The following ADGRL3 variants were observed in gnomAD, a reference collection of about 807,000 sequenced individuals.
ADGRL3 encodes the protein calcium-independent alpha-latrotoxin receptor 3.
Under a neutral mutation model 153.5 loss-of-function variants are expected in ADGRL3, and 62 were observed. The observed-to-expected ratio is 0.40, with a 90% CI of 0.33 to 0.50. ADGRL3 has a LOEUF of 0.50. ADGRL3 is among the 20% of genes least tolerant of loss of function. The pLI, the probability that ADGRL3 is intolerant of heterozygous loss-of-function variation, is 0.47. For synonymous variants in ADGRL3, 710 were observed against 672.5 expected (o/e 1.06, Z -0.86); for missense variants, 1,641 against 1,859.4 (o/e 0.88, Z 2.16).
At chr4:62,051,948 G>A (rs771538348) in intron 25 of ADGRL3, among the ~76,000 whole-genome samples, 1 of 151,670 alleles carries the variant, frequency 6.6e-6, no homozygotes, top group Non-Finnish European at 1.5e-5. Flanking sequence ...CAACTTAGGA[G>A]TTGCTGGTGT....
chr4:61,780,564 G>C (rs997894661), intron 8 of ADGRL3, among the ~76,000 whole-genome samples: 5 of 152,164 alleles, frequency 3.3e-5, no homozygotes, highest in Admixed American at 6.6e-5. Context: ...ATAGGAACAG[G>C]TAGAACTTCA....
chr4:61,447,417 G>T (rs1244272433), intron 2 of ADGRL3, among the ~76,000 whole-genome samples: 1 of 151,600 alleles, frequency 6.6e-6, no homozygotes, highest in Admixed American at 6.6e-5. Flanking sequence ...AGTAATCTCT[G>T]GATTCTTAAA....
intron 21 of ADGRL3, among the ~76,000 whole-genome samples, chr4:62,006,311 C>G (rs997124281): frequency 6.6e-6 from 1 of 151,742 alleles, no homozygotes; most frequent in Non-Finnish European, 1.5e-5. Context: ...GCCTGAGCCG[C>G]GGAGCCCAGC....
chr4:61,876,976 A>G (rs1332666279), intron 9 of ADGRL3, among the ~76,000 whole-genome samples: 1 of 151,950 alleles, frequency 6.6e-6, no homozygotes, highest in East Asian at 1.9e-4. Context: ...TTTTAAGTAC[A>G]CAGGAAATAA....
intron 9 of ADGRL3, among the ~76,000 whole-genome samples, chr4:61,870,036 AAG>A (rs1264186452): frequency 3.4e-5 from 5 of 148,818 alleles, no homozygotes; most frequent in Admixed American, 2.7e-4. Context: ...GAAAGAAAGA[AAG>A]AGAAAGAAAA....
intron 15 of ADGRL3, among the ~76,000 whole-genome samples, chr4:61,938,884 AAAAT>A (rs1386860274): frequency 3.3e-5 from 5 of 151,234 alleles, no homozygotes; most frequent in African/African-American, 1.2e-4. Flanking sequence ...AAAAAAAAAA[AAAAT>A]TTTTTTTTTT....
At chr4:61,234,818 C>T (rs1752218014) in intron 1 of ADGRL3, among the ~76,000 whole-genome samples, 1 of 152,066 alleles carries the variant, frequency 6.6e-6, no homozygotes, top group Non-Finnish European at 1.5e-5. Flanking sequence ...AGCAGGTGTA[C>T]ATTATTTCCC....
intron 6 of ADGRL3, among the ~76,000 whole-genome samples, chr4:61,698,070 T>C (rs1037025093): frequency 6.6e-6 from 1 of 152,154 alleles, no homozygotes; most frequent in Non-Finnish European, 1.5e-5. Context: ...ATTCTAACTC[T>C]TCCTTTGCGG....
intron 8 of ADGRL3, among the ~76,000 whole-genome samples, chr4:61,784,555 G>T (rs993954185): frequency 6.6e-6 from 1 of 152,066 alleles, no homozygotes; most frequent in African/African-American, 2.4e-5. Flanking sequence ...ACAACAGTTT[G>T]GGGTATGGGG....
chr4:61,878,059 G>A (rs2149455477), intron 9 of ADGRL3, among the ~76,000 whole-genome samples: 1 of 152,252 alleles, frequency 6.6e-6, no homozygotes, highest in South Asian at 2.1e-4. Flanking sequence ...GTGGAACTGT[G>A]AGTCAGTTTG....
At chr4:61,820,984 A>G (rs1039943503) in intron 9 of ADGRL3, among the ~76,000 whole-genome samples, 5 of 152,212 alleles carry the variant, frequency 3.3e-5, no homozygotes, top group Non-Finnish European at 5.9e-5. Context: ...AATCCTAAGC[A>G]GAGGCATATA....
At chr4:61,853,995 C>A (rs796253328) in intron 9 of ADGRL3, among the ~76,000 whole-genome samples, 15 of 152,290 alleles carry the variant, frequency 9.8e-5, no homozygotes, top group African/African-American at 3.4e-4. Context: ...ACATGACAGT[C>A]ATGACAGTTA....
intron 1 of ADGRL3, among the ~76,000 whole-genome samples, chr4:61,342,710 A>G (rs2095830824): frequency 6.6e-6 from 1 of 152,162 alleles, no homozygotes; most frequent in Non-Finnish European, 1.5e-5. Context: ...CACCCGTCTC[A>G]TAGCTTTTGT....
chr4:61,913,640 C>T (rs2149864180), intron 13 of ADGRL3, among the ~76,000 whole-genome samples: 1 of 152,096 alleles, frequency 6.6e-6, no homozygotes, highest in Middle Eastern at 3.4e-3. Flanking sequence ...CTTTTTTTAA[C>T]CAAAACTCTT....
At chr4:61,955,114 A>G (rs191351146) in intron 17 of ADGRL3, among the ~76,000 whole-genome samples, 1 of 152,284 alleles carries the variant, frequency 6.6e-6, no homozygotes, top group Admixed American at 6.5e-5. Flanking sequence ...GGGTTAGCGT[A>G]GGTGTTTTTT....
chr4:61,705,649 C>A (rs1030847328), intron 6 of ADGRL3, among the ~76,000 whole-genome samples: 2 of 152,050 alleles, frequency 1.3e-5, no homozygotes, highest in Admixed American at 6.6e-5. Flanking sequence ...AGGCATGCAC[C>A]ACCATGCCCA....
At chr4:61,215,171 CAGTCAG>C (rs1360875389) in intron 1 of ADGRL3, among the ~76,000 whole-genome samples, 3 of 152,134 alleles carry the variant, frequency 2.0e-5, no homozygotes, top group Non-Finnish European at 4.4e-5. Flanking sequence ...ACATTTCTAG[CAGTCAG>C]AGTGGAAACA....
At position 62,074,503 on chromosome 4, in the gene ADGRL3, G is replaced by A. The variant is rs1360173856; in HGVS notation, c.*3595G>A. 1 of 151,966 alleles carries A rather than the reference G, an allele frequency of 6.6e-6. No individual in the cohort carries two copies. Among genetic ancestry groups the A allele is most frequent in the East Asian group, 1.9e-4 (1 of 5,172 alleles). The allele number at this position is 151,966 out of a possible 1,614,324, so 9.4% of individuals were successfully genotyped here. A position where few individuals can be genotyped will look rare whatever the true frequency, so the allele number is the denominator to read the frequency against. ...GTCCAAATTTTGTGAAGGAGAAATT[G>A]GTTGGAATTAAATTTTATGGGCGTC... On this transcript the variant is annotated 3_prime_UTR_variant, in exon 27 of 27. Coordinates refer to ENST00000683033, the MANE Select transcript of ADGRL3 (RefSeq NM_001387552.1).
At chr4:62,021,691 A>T (rs1262367723) in intron 21 of ADGRL3, among the ~76,000 whole-genome samples, 1 of 152,130 alleles carries the variant, frequency 6.6e-6, no homozygotes, top group Non-Finnish European at 1.5e-5. Flanking sequence ...CTCACAATAT[A>T]TCAAACTTTT....
Sources: gnomAD v4.1 joint callset for allele counts (sites outside exome capture counted in the v4.1 genomes callset) on GRCh38, gnomAD v4.1.1 for gene constraint, MANE v1.5 for transcripts, NCBI Gene and HGNC (gene_info 2026-07-23, HGNC 2026-07-21) for gene names.